Variants in PDZD2 observed in about 807,000 individuals in gnomAD.
PDZD2 encodes the protein PDZ domain containing 2.
A neutral mutation model predicts 220.7 loss-of-function variants in PDZD2; 90 were observed. The ratio of observed to expected loss-of-function variants is 0.41; its 90% CI spans 0.34 to 0.49. The LOEUF is 0.49. PDZD2 is among the 20% of genes least tolerant of loss of function. PDZD2 has a pLI of 0.28. For missense variants in PDZD2, 3,174 were observed against 3,608.5 expected, an observed-to-expected ratio of 0.88 and a Z score of 3.08; for synonymous variants, 1,375 against 1,450.5, an observed-to-expected ratio of 0.95 and a Z score of 1.18.
chr5:31,921,498 G>T (rs1744251290), intron 2 of PDZD2, among the ~76,000 whole-genome samples: 1 of 151,972 alleles, frequency 6.6e-6, no homozygotes, highest in Non-Finnish European at 1.5e-5. Context: ...AGCCTAGGCA[G>T]CATAGTGAAA....
intron 1 of PDZD2, among the ~76,000 whole-genome samples, chr5:31,658,556 A>T (rs1038490530): frequency 6.0e-5 from 9 of 151,148 alleles, no homozygotes; most frequent in Non-Finnish European, 1.3e-4. Flanking sequence ...TTTAACTAAT[A>T]CCTCTTTGTC....
chr5:31,946,485 G>A (rs1746645887), intron 2 of PDZD2, among the ~76,000 whole-genome samples: 1 of 152,054 alleles, frequency 6.6e-6, no homozygotes, highest in Non-Finnish European at 1.5e-5. Flanking sequence ...AACATTCCTT[G>A]GGAATAGAGG....
chr5:31,887,828 G>A (rs182929373), intron 2 of PDZD2, among the ~76,000 whole-genome samples: 2 of 150,426 alleles, frequency 1.3e-5, no homozygotes, highest in African/African-American at 2.4e-5. Flanking sequence ...GCGGGGGAGG[G>A]GGGGAACAGC....
At chr5:32,067,187 C>G (rs1408576855) in intron 14 of PDZD2, among the ~76,000 whole-genome samples, 1 of 152,196 alleles carries the variant, frequency 6.6e-6, no homozygotes, top group African/African-American at 2.4e-5. Context: ...CTCATAATGT[C>G]TGGAGCGGTT....
chr5:31,685,489 G>A (rs549941558), intron 1 of PDZD2, among the ~76,000 whole-genome samples: 82 of 152,126 alleles, frequency 5.4e-4, no homozygotes, highest in African/African-American at 1.4e-3. Flanking sequence ...ATGCTGCCTC[G>A]TCCGCATGCA....
chr5:31,882,174 C>T (rs1580983124), intron 2 of PDZD2, among the ~76,000 whole-genome samples: 1 of 152,190 alleles, frequency 6.6e-6, no homozygotes, highest in African/African-American at 2.4e-5. Context: ...CACATGCATA[C>T]ATCGACACTA....
At chr5:31,808,268 T>G (rs553079204) in intron 2 of PDZD2, among the ~76,000 whole-genome samples, 1 of 152,352 alleles carries the variant, frequency 6.6e-6, no homozygotes, top group Admixed American at 6.5e-5. Context: ...GAAATTATAC[T>G]CAGCTTGCTG....
intron 7 of PDZD2, among the ~76,000 whole-genome samples, chr5:32,038,801 C>A (rs1366808412): frequency 6.6e-6 from 1 of 152,122 alleles, no homozygotes; most frequent in Non-Finnish European, 1.5e-5. Flanking sequence ...TAGCCCTCAG[C>A]TCCTGAGTTA....
chr5:32,057,788 T>C (rs1739224905), intron 11 of PDZD2, 60 bp downstream of exon 11: 20 of 1,439,452 alleles, frequency 1.4e-5, no homozygotes, highest in Non-Finnish European at 1.8e-5. Context: ...TCCTTCTGGC[T>C]TGGGTTTGGT....
chr5:31,911,154 G>A (rs940101421), intron 2 of PDZD2, among the ~76,000 whole-genome samples: 3 of 152,134 alleles, frequency 2.0e-5, no homozygotes, highest in African/African-American at 7.2e-5. Context: ...GACATGTATG[G>A]TATGTAAGCC....
At chr5:31,707,662 C>G (rs1286204605) in intron 1 of PDZD2, among the ~76,000 whole-genome samples, 1 of 152,188 alleles carries the variant, frequency 6.6e-6, no homozygotes, top group Non-Finnish European at 1.5e-5. Context: ...GGGCCTCACT[C>G]TGTTGCCCAG....
At chr5:31,713,483 T>G (rs1023881576) in intron 1 of PDZD2, among the ~76,000 whole-genome samples, 1 of 152,346 alleles carries the variant, frequency 6.6e-6, no homozygotes, top group Admixed American at 6.5e-5. Context: ...GGTTTGGATA[T>G]TTGAGCCCTG....
At chr5:31,794,723 T>A (rs546693795) in intron 1 of PDZD2, among the ~76,000 whole-genome samples, 10 of 152,278 alleles carry the variant, frequency 6.6e-5, no homozygotes, top group South Asian at 6.2e-4. Context: ...TGGTTTCTTT[T>A]AAAAAATTTT....
intron 1 of PDZD2, among the ~76,000 whole-genome samples, chr5:31,702,539 C>G (rs1316519872): frequency 6.6e-6 from 1 of 152,226 alleles, no homozygotes; most frequent in African/African-American, 2.4e-5. Context: ...ACTTTGCCCA[C>G]TCTGCGGTTC....
At chr5:31,675,183 G>T (rs185493311) in intron 1 of PDZD2, among the ~76,000 whole-genome samples, 2 of 152,354 alleles carry the variant, frequency 1.3e-5, no homozygotes, top group East Asian at 3.9e-4. Context: ...TGGCTGGCAA[G>T]TGGGACCATT....
rs530027983 is a variant in PDZD2, at chr5:32,040,630, G to T, written c.1519+3288G>T. The stretch of plus-strand genomic sequence containing the variant: ...GGGAGCGCCTCTGCCCGGCCGCCCC[G>T]TCTGGGAGGAAGTGAGGAGCACCTC... On this transcript the variant is annotated intron_variant, in intron 7 of 24. Transcript: ENST00000438447. 5.8e-3 allele frequency among the ~76,000 whole-genome samples: 818 copies of T among 140,888 alleles called. 4 individuals carry two copies. Among genetic ancestry groups the T allele is most frequent in the Non-Finnish European group, 7.8e-3 (511 of 65,332 alleles). 92.4% of individuals were successfully genotyped at this position (140,888 alleles called of 152,430 possible). A position where few individuals can be genotyped will look rare whatever the true frequency, so the allele number is the denominator to read the frequency against.
chr5:31,965,540 A>C (rs1272222945), intron 2 of PDZD2, among the ~76,000 whole-genome samples: 2 of 152,178 alleles, frequency 1.3e-5, no homozygotes, highest in African/African-American at 4.8e-5. Context: ...TTGCATATCA[A>C]AGGTTACCGG....
At chr5:31,766,443 G>A (rs900003697) in intron 1 of PDZD2, among the ~76,000 whole-genome samples, 5 of 151,666 alleles carry the variant, frequency 3.3e-5, no homozygotes, top group South Asian at 2.1e-4. Flanking sequence ...GCAGTGGTGC[G>A]GGATCATGGC....
At chr5:31,913,661 G>A (rs1345377079) in intron 2 of PDZD2, among the ~76,000 whole-genome samples, 1 of 152,060 alleles carries the variant, frequency 6.6e-6, no homozygotes, top group Non-Finnish European at 1.5e-5. Flanking sequence ...TGTGGTAATC[G>A]CATGGATAGT....
Sources: gnomAD v4.1 joint callset for allele counts (sites outside exome capture counted in the v4.1 genomes callset) on GRCh38, gnomAD v4.1.1 for gene constraint, MANE v1.5 for transcripts, NCBI Gene and HGNC (gene_info 2026-07-23, HGNC 2026-07-21) for gene names.